Variants in PTPRD observed in about 807,000 individuals in gnomAD.
PTPRD encodes protein tyrosine phosphatase receptor type D.
A neutral mutation model predicts 214.5 loss-of-function variants in PTPRD; 34 were observed. The ratio of observed to expected loss-of-function variants is 0.16; its 90% CI spans 0.12 to 0.21. The LOEUF (loss-of-function observed/expected upper bound fraction) is 0.21. PTPRD is among the 10% of genes least tolerant of loss of function. The pLI, the probability that PTPRD is intolerant of heterozygous loss-of-function variation, is 1.00. For synonymous variants in PTPRD, 1,128 were observed against 845.7 expected, an observed-to-expected ratio of 1.33 and a Z score of -5.79; for missense variants, 2,545 against 2,398.7, an observed-to-expected ratio of 1.06 and a Z score of -1.27.
intron 6 of PTPRD, among the ~76,000 whole-genome samples, chr9:9,736,899 T>G (rs945693793): frequency 2.0e-5 from 3 of 152,102 alleles, no homozygotes; most frequent in African/African-American, 7.2e-5. Context: ...TTTACTCACT[T>G]ACTGTTTCTT....
intron 17 of PTPRD, among the ~76,000 whole-genome samples, chr9:8,525,684 G>C (rs10815900): frequency 1.3e-5 from 2 of 152,016 alleles, no homozygotes; most frequent in African/African-American, 4.8e-5. Context: ...TGAATTAGAA[G>C]ATTTTTAAAA....
chr9:9,439,279 A>C (rs2086567237), intron 8 of PTPRD, among the ~76,000 whole-genome samples: 1 of 152,172 alleles, frequency 6.6e-6, no homozygotes, highest in Non-Finnish European at 1.5e-5. Flanking sequence ...CTTAGGGTAC[A>C]GCACCCCACT....
intron 11 of PTPRD, among the ~76,000 whole-genome samples, chr9:8,775,113 A>C (rs999998961): frequency 6.6e-6 from 1 of 152,186 alleles, no homozygotes; most frequent in Non-Finnish European, 1.5e-5. Context: ...TTTGGAATGA[A>C]CTTTGAATCA....
chr9:9,841,166 T>C (rs1260954728), intron 5 of PTPRD, among the ~76,000 whole-genome samples: 5 of 152,178 alleles, frequency 3.3e-5, no homozygotes, highest in Non-Finnish European at 5.9e-5. Context: ...ATCTAAATTA[T>C]TTTGCATCGT....
intron 9 of PTPRD, among the ~76,000 whole-genome samples, chr9:9,189,817 T>C (rs1467191013): frequency 6.6e-6 from 1 of 152,044 alleles, no homozygotes; most frequent in Non-Finnish European, 1.5e-5. Context: ...ACCCATTAGG[T>C]TGTTTTCTGG....
intron 14 of PTPRD, among the ~76,000 whole-genome samples, chr9:8,618,472 C>T (rs140482205): frequency 6.6e-6 from 1 of 151,846 alleles, no homozygotes; most frequent in Non-Finnish European, 1.5e-5. Flanking sequence ...ATCAAAGATT[C>T]CTGTGAATAA....
chr9:9,612,866 A>T lies in PTPRD; in HGVS notation c.-286-38085T>A, dbSNP rs1166885123. Among the ~76,000 whole-genome samples the T allele has an allele frequency of 2.6e-5, 4 of 152,000 alleles. No individual in the cohort carries two copies. The South Asian group carries it at 8.3e-4, about 31-fold the overall frequency. Reference sequence around the variant, plus strand: ...CAGAACTTCATCTATTTTTAAGAACATATTTTGTTTAAATATAGTTTTGAA... The same window carrying T: ...CAGAACTTCATCTATTTTTAAGAACTTATTTTGTTTAAATATAGTTTTGAA... On this transcript the variant is annotated intron_variant, in intron 7 of 45. Coordinates refer to ENST00000381196, the MANE Select transcript of PTPRD (RefSeq NM_002839.4).
At chr9:9,291,628 A>T (rs558287035) in intron 9 of PTPRD, among the ~76,000 whole-genome samples, 16 of 151,414 alleles carry the variant, frequency 1.1e-4, no homozygotes, top group African/African-American at 3.9e-4. Flanking sequence ...TATAAAGTTT[A>T]TATTGCTTAT....
intron 2 of PTPRD, among the ~76,000 whole-genome samples, chr9:10,542,531 G>C (rs1018845039): frequency 4.0e-5 from 6 of 151,122 alleles, no homozygotes; most frequent in African/African-American, 1.5e-4. Context: ...TAAATACCTA[G>C]TGATGTTGTC....
chr9:9,098,167 G>T (rs999631738), intron 10 of PTPRD, among the ~76,000 whole-genome samples: 2 of 151,976 alleles, frequency 1.3e-5, no homozygotes, highest in African/African-American at 2.4e-5. Flanking sequence ...GATGATTCTT[G>T]CTCCAAAAAT....
At chr9:9,463,679 T>G (rs970011016) in intron 8 of PTPRD, among the ~76,000 whole-genome samples, 1 of 152,130 alleles carries the variant, frequency 6.6e-6, no homozygotes, top group Admixed American at 6.6e-5. Context: ...CATATGCATG[T>G]TTTTTTACAT....
intron 9 of PTPRD, among the ~76,000 whole-genome samples, chr9:9,228,715 A>G (rs1369829729): frequency 6.6e-6 from 1 of 152,158 alleles, no homozygotes; most frequent in Non-Finnish European, 1.5e-5. Context: ...TGGAGATTAA[A>G]CGTCATTATG....
rs140266120 is a variant in PTPRD at position 10,379,945 on chromosome 9, G to T, written c.-599-38928C>A. Among the ~76,000 whole-genome samples, 36 of 151,930 alleles carry T rather than the reference G, an allele frequency of 2.4e-4. 1 individual carries two copies. In the East Asian group the frequency reaches 7.0e-3, roughly 29 times the overall value. On this transcript the variant is annotated intron_variant, in intron 2 of 45. Coordinates refer to ENST00000381196, the MANE Select transcript of PTPRD (RefSeq NM_002839.4). ...AGAAAATCTAAGACTATTCATTGTTGTTTATATTTTCTTTTTTATCTTTAG... is the reference window on the plus strand; with the variant it reads ...AGAAAATCTAAGACTATTCATTGTTTTTTATATTTTCTTTTTTATCTTTAG...
intron 11 of PTPRD, among the ~76,000 whole-genome samples, chr9:8,741,326 T>C (rs575468562): frequency 2.7e-4 from 41 of 152,290 alleles, no homozygotes; most frequent in African/African-American, 9.6e-4. Flanking sequence ...CTTTCAGTTA[T>C]TACTGCATGT....
chr9:9,343,860 T>A lies in PTPRD; in HGVS notation c.-203+53589A>T, dbSNP rs191204907. On this transcript the variant is annotated intron_variant, in intron 9 of 45. Transcript: ENST00000381196. ...TTCCCAGTTTCAACTAAATGTTATA[T>A]CCTGGGTGAAATTCTTTAGGGTCCA... Among the ~76,000 whole-genome samples, 1,227 of 152,170 alleles carry A rather than the reference T, an allele frequency of 8.1e-3. 6 individuals are homozygous for A. Among genetic ancestry groups the A allele is most frequent in the Non-Finnish European group, 0.013 (873 of 68,002 alleles).
chr9:9,678,969 T>A (rs2096998623), intron 7 of PTPRD, among the ~76,000 whole-genome samples: 1 of 151,628 alleles, frequency 6.6e-6, no homozygotes, highest in Admixed American at 6.6e-5. Flanking sequence ...AAAATTAAAT[T>A]TAGAAAATGA....
chr9:9,021,288 TATC>T (rs2099568835), intron 10 of PTPRD, among the ~76,000 whole-genome samples: 1 of 152,172 alleles, frequency 6.6e-6, no homozygotes, highest in Non-Finnish European at 1.5e-5. Context: ...GAAAAATTCT[TATC>T]ATCTAGTGAT....
intron 3 of PTPRD, among the ~76,000 whole-genome samples, chr9:10,099,579 C>G (rs980036831): frequency 6.6e-6 from 1 of 151,770 alleles, no homozygotes; most frequent in South Asian, 2.1e-4. Flanking sequence ...TATCTAGAAA[C>G]AAATAAAACT....
chr9:10,491,867 C>A (rs1312929617), intron 2 of PTPRD, among the ~76,000 whole-genome samples: 1 of 152,052 alleles, frequency 6.6e-6, no homozygotes. Flanking sequence ...TCTCCTAGTC[C>A]CACACCCCAC....
Sources: gnomAD v4.1 joint callset for allele counts (sites outside exome capture counted in the v4.1 genomes callset) on GRCh38, gnomAD v4.1.1 for gene constraint, MANE v1.5 for transcripts, NCBI Gene and HGNC (gene_info 2026-07-23, HGNC 2026-07-21) for gene names.